KCNJ3: variants seen among roughly 807,000 people sequenced by gnomAD.
The protein encoded by KCNJ3 is G protein-activated inward rectifier potassium channel 1.
In KCNJ3, 4 loss-of-function variants were observed where a neutral mutation model predicts 39.2. The observed-to-expected ratio is 0.10, with a 90% confidence interval of 0.05 to 0.23. The LOEUF (loss-of-function observed/expected upper bound fraction) is 0.23, where lower values mean the gene tolerates loss of function less well. KCNJ3 is among the 10% of genes least tolerant of loss of function. The pLI, the probability that KCNJ3 is intolerant of heterozygous loss-of-function variation, is 1.00. For missense variants in KCNJ3, 276 were observed against 634.9 expected (o/e 0.43, Z 6.08); for synonymous variants, 230 against 237.4 (o/e 0.97, Z 0.29).
intron 2 of KCNJ3, among the ~76,000 whole-genome samples, chr2:154,741,295 A>G (rs1487139747): frequency 1.3e-5 from 2 of 151,980 alleles, no homozygotes; most frequent in African/African-American, 4.8e-5. Context: ...CCACATTCTG[A>G]TAACTGCTTA....
intron 2 of KCNJ3, among the ~76,000 whole-genome samples, chr2:154,721,214 CA>C (rs1425174052): frequency 2.0e-5 from 3 of 152,052 alleles, no homozygotes; most frequent in Admixed American, 1.3e-4. Flanking sequence ...ATCTTTTACG[CA>C]AAAGGTCAGG....
At chr2:154,704,788 A>C (rs544507664) in intron 1 of KCNJ3, among the ~76,000 whole-genome samples, 1 of 152,260 alleles carries the variant, frequency 6.6e-6, no homozygotes, top group East Asian at 1.9e-4. Flanking sequence ...CGTTTGGCTC[A>C]TTTCCCAATG....
At chr2:154,735,989 A>T (rs1256012945) in intron 2 of KCNJ3, among the ~76,000 whole-genome samples, 1 of 152,208 alleles carries the variant, frequency 6.6e-6, no homozygotes, top group East Asian at 1.9e-4. Context: ...TTCCATTTTT[A>T]GTTTTAAGTT....
At chr2:154,807,740 C>G (rs1015312929) in intron 2 of KCNJ3, among the ~76,000 whole-genome samples, 4 of 152,136 alleles carry the variant, frequency 2.6e-5, no homozygotes, top group Admixed American at 2.6e-4. Context: ...TGGCCACCAC[C>G]ACCTGGTGAA....
At chr2:154,796,766 A>G (rs1686727243) in intron 2 of KCNJ3, among the ~76,000 whole-genome samples, 1 of 152,188 alleles carries the variant, frequency 6.6e-6, no homozygotes, top group Non-Finnish European at 1.5e-5. Context: ...ATTGCAATTT[A>G]TTAATTTAAA....
chr2:154,709,505 A>G (rs1685067776), intron 1 of KCNJ3, 98 bp from the exon 2 acceptor site: 2 of 1,193,580 alleles, frequency 1.7e-6, no homozygotes, highest in South Asian at 3.0e-5. Flanking sequence ...GATGATTGAT[A>G]GTGCAGAATG....
chr2:154,823,653 T>C (rs989099815), intron 2 of KCNJ3, among the ~76,000 whole-genome samples: 1 of 152,182 alleles, frequency 6.6e-6, no homozygotes, highest in Non-Finnish European at 1.5e-5. Context: ...ATATCTGCAT[T>C]ACAAACTCAC....
chr2:154,794,666 A>G (rs917324656), intron 2 of KCNJ3, among the ~76,000 whole-genome samples: 1 of 152,060 alleles, frequency 6.6e-6, no homozygotes, highest in African/African-American at 2.4e-5. Context: ...GTCATAATGA[A>G]TCTCATTGAT....
intron 2 of KCNJ3, among the ~76,000 whole-genome samples, chr2:154,750,599 G>A (rs16838084): frequency 0.048 from 7,320 of 151,856 alleles, 331 homozygotes; most frequent in African/African-American, 0.12. Context: ...AAATACATAA[G>A]CAACAACAAT....
intron 2 of KCNJ3, among the ~76,000 whole-genome samples, chr2:154,720,010 A>C (rs1685243475): frequency 1.3e-5 from 2 of 152,114 alleles, no homozygotes; most frequent in African/African-American, 4.8e-5. Context: ...CAGTGACCTT[A>C]GCACTCAAAT....
intron 2 of KCNJ3, among the ~76,000 whole-genome samples, chr2:154,806,996 G>A (rs1202958117): frequency 6.6e-6 from 1 of 152,118 alleles, no homozygotes; most frequent in Non-Finnish European, 1.5e-5. Flanking sequence ...GTGAGTTGAG[G>A]TGACATAAAT....
At chr2:154,783,022 C>CA (rs1686465506) in intron 2 of KCNJ3, among the ~76,000 whole-genome samples, 1 of 151,856 alleles carries the variant, frequency 6.6e-6, no homozygotes, top group South Asian at 2.1e-4. Flanking sequence ...ACTAAAAAGA[C>CA]AAAAAATTAG....
chr2:154,792,227 G>A (rs902667298), intron 2 of KCNJ3, among the ~76,000 whole-genome samples: 3 of 152,026 alleles, frequency 2.0e-5, no homozygotes, highest in Non-Finnish European at 4.4e-5. Flanking sequence ...AATGTATCGT[G>A]TTTACCTGAG....
chr2:154,720,176 T>C (rs928463250), intron 2 of KCNJ3, among the ~76,000 whole-genome samples: 1 of 152,044 alleles, frequency 6.6e-6, no homozygotes, highest in African/African-American at 2.4e-5. Flanking sequence ...AAATATCCTC[T>C]TGGGACAGGG....
chr2:154,808,150 G>A (rs927323484), intron 2 of KCNJ3, among the ~76,000 whole-genome samples: 1 of 150,404 alleles, frequency 6.6e-6, no homozygotes, highest in Non-Finnish European at 1.5e-5. Context: ...GAACAATCTC[G>A]GTTTATTTCA....
chr2:154,771,719 G>A (rs1209651869), intron 2 of KCNJ3, among the ~76,000 whole-genome samples: 1 of 152,116 alleles, frequency 6.6e-6, no homozygotes, highest in African/African-American at 2.4e-5. Context: ...GTAGAAAAGG[G>A]ACAGTTCAAT....
intron 2 of KCNJ3, among the ~76,000 whole-genome samples, chr2:154,756,822 C>T (rs1368256447): frequency 6.6e-6 from 1 of 151,856 alleles, no homozygotes; most frequent in Middle Eastern, 3.4e-3. Context: ...CCTTTGTTTT[C>T]AGTTTAATTT....
chr2:154,833,387 T>C (rs910664542), intron 2 of KCNJ3, among the ~76,000 whole-genome samples: 1 of 152,218 alleles, frequency 6.6e-6, no homozygotes. Flanking sequence ...TAATAGACTT[T>C]AGAGCAGCTT....
chr2:154,721,282 C>T (rs1051965960), intron 2 of KCNJ3, among the ~76,000 whole-genome samples: 13 of 152,176 alleles, frequency 8.5e-5, no homozygotes, highest in African/African-American at 2.9e-4. Flanking sequence ...TGTTCTTGAA[C>T]TTTCTATGTC....
Sources: allele counts gnomAD v4.1 joint callset (sites outside exome capture counted in the v4.1 genomes callset), GRCh38; gene constraint gnomAD v4.1.1; transcripts MANE v1.5; gene names NCBI Gene and HGNC (gene_info 2026-07-23, HGNC 2026-07-21).